ALK: variants seen among roughly 807,000 people sequenced by gnomAD.
ALK encodes the protein ALK receptor tyrosine kinase.
A neutral mutation model predicts 163.1 loss-of-function variants in ALK; 74 were observed. That is an observed-to-expected ratio of 0.45 (90% CI 0.38 to 0.55). ALK has a LOEUF of 0.55. ALK is among the 20% of genes least tolerant of loss of function. ALK has a pLI of 0.00. For synonymous variants in ALK, 960 were observed against 843.2 expected, an observed-to-expected ratio of 1.14 and a Z score of -2.40; for missense variants, 2,063 against 2,105.3, an observed-to-expected ratio of 0.98 and a Z score of 0.39.
chr2:29,739,420 T>A (rs1679988465), intron 1 of ALK, among the ~76,000 whole-genome samples: 1 of 151,440 alleles, frequency 6.6e-6, no homozygotes, highest in Non-Finnish European at 1.5e-5. Flanking sequence ...TAGCTGAGCG[T>A]GGTGGTATGT....
At chr2:29,694,710 A>G (rs997797558) in intron 3 of ALK, 140 bp downstream of exon 3, 22 of 1,149,212 alleles carry the variant, frequency 1.9e-5, no homozygotes, top group Non-Finnish European at 2.7e-5. Flanking sequence ...CCAAGAAGCC[A>G]TGGAAAGTCA....
At chr2:29,402,250 G>C (rs4514836) in intron 4 of ALK, among the ~76,000 whole-genome samples, 55 of 152,310 alleles carry the variant, frequency 3.6e-4, no homozygotes, top group Admixed American at 9.8e-4. Flanking sequence ...CTGGCTAAGG[G>C]CTGGGAGTTT....
At chr2:29,474,221 C>T (rs1464024228) in intron 4 of ALK, among the ~76,000 whole-genome samples, 1 of 152,184 alleles carries the variant, frequency 6.6e-6, no homozygotes, top group Non-Finnish European at 1.5e-5. Context: ...GAATATCTCA[C>T]AGACACAAAA....
chr2:29,781,016 T>C (rs1681317711), intron 1 of ALK, among the ~76,000 whole-genome samples: 1 of 152,234 alleles, frequency 6.6e-6, no homozygotes, highest in Admixed American at 6.5e-5. Context: ...TCCCCTTTCA[T>C]TCATTCTGAT....
intron 4 of ALK, among the ~76,000 whole-genome samples, chr2:29,386,788 T>C (rs1669041818): frequency 6.6e-6 from 1 of 152,226 alleles, no homozygotes; most frequent in Non-Finnish European, 1.5e-5. Flanking sequence ...GCCAAACATG[T>C]ATTTTATATC....
intron 2 of ALK, among the ~76,000 whole-genome samples, chr2:29,703,375 A>G (rs917963578): frequency 6.6e-6 from 1 of 152,150 alleles, no homozygotes; most frequent in East Asian, 1.9e-4. Context: ...AGTGACCTTA[A>G]TATTGTCATG....
chr2:29,529,359 T>G (rs1673054731), intron 4 of ALK, among the ~76,000 whole-genome samples: 1 of 152,204 alleles, frequency 6.6e-6, no homozygotes, highest in South Asian at 2.1e-4. Context: ...GCCAGCCCCA[T>G]TCGTAATCAT....
chr2:29,913,848 T>C (rs1403940443), intron 1 of ALK, among the ~76,000 whole-genome samples: 2 of 151,962 alleles, frequency 1.3e-5, no homozygotes, highest in Admixed American at 6.5e-5. Flanking sequence ...CTCCATATTC[T>C]CCACTTGGCA....
chr2:29,230,747 C>T (rs1397730675), intron 15 of ALK, among the ~76,000 whole-genome samples: 1 of 152,164 alleles, frequency 6.6e-6, no homozygotes, highest in African/African-American at 2.4e-5. Flanking sequence ...GCTGTCCTCC[C>T]TTCTGCTCTC....
chr2:29,749,463 A>G (rs1443057111), intron 1 of ALK, among the ~76,000 whole-genome samples: 2 of 152,168 alleles, frequency 1.3e-5, no homozygotes, highest in East Asian at 3.9e-4. Flanking sequence ...AGGCCCCTTA[A>G]TCCTGAATAG....
intron 1 of ALK, among the ~76,000 whole-genome samples, chr2:29,862,218 C>T (rs1558523312): frequency 6.6e-6 from 1 of 152,074 alleles, no homozygotes; most frequent in Non-Finnish European, 1.5e-5. Context: ...AGGAACAAGA[C>T]AAGATGCCTA....
chr2:29,720,027 C>G (rs1325204830), intron 1 of ALK, among the ~76,000 whole-genome samples: 1 of 152,018 alleles, frequency 6.6e-6, no homozygotes, highest in South Asian at 2.1e-4. Flanking sequence ...GTTATACTTT[C>G]CTGTTTCTAA....
At chr2:29,478,206 A>T (rs1395075803) in intron 4 of ALK, among the ~76,000 whole-genome samples, 2 of 152,248 alleles carry the variant, frequency 1.3e-5, no homozygotes. Context: ...ATGGAAACAT[A>T]CATATGAATA....
At chr2:29,671,858 C>T (rs1219798248) in intron 3 of ALK, among the ~76,000 whole-genome samples, 1 of 151,676 alleles carries the variant, frequency 6.6e-6, no homozygotes, top group Non-Finnish European at 1.5e-5. Flanking sequence ...CTGGAAGTCT[C>T]CTTTTCTTAA....
chr2:29,838,092 T>A (rs1665607260), intron 1 of ALK, among the ~76,000 whole-genome samples: 2 of 152,124 alleles, frequency 1.3e-5, no homozygotes, highest in Non-Finnish European at 2.9e-5. Flanking sequence ...GTTCACTGGA[T>A]GGGCTTAACA....
At chr2:29,805,791 G>C (rs184014732) in intron 1 of ALK, among the ~76,000 whole-genome samples, 88 of 152,228 alleles carry the variant, frequency 5.8e-4, no homozygotes, top group African/African-American at 2.1e-3. Flanking sequence ...GTGAATAATG[G>C]GGAGCACTTT....
chr2:29,528,985 C>T lies in ALK; in HGVS notation c.1154+2930G>A, dbSNP rs868850594. On this transcript the variant is annotated intron_variant, in intron 4 of 28. Transcript: ENST00000389048. ...GCCAAAGCCCGGCAGCCTTGGCCAACGTGGCCACTCATGCTCTGTGATTCA... is the reference window on the plus strand; with the variant it reads ...GCCAAAGCCCGGCAGCCTTGGCCAATGTGGCCACTCATGCTCTGTGATTCA... Among the ~76,000 whole-genome samples the T allele has an allele frequency of 1.2e-4, 18 of 152,328 alleles. 1 individual carries two copies. The South Asian group carries it at 1.7e-3, about 14-fold the overall frequency.
intron 4 of ALK, among the ~76,000 whole-genome samples, chr2:29,425,641 C>G (rs530875292): frequency 6.6e-6 from 1 of 152,164 alleles, no homozygotes; most frequent in Admixed American, 6.5e-5. Context: ...TAGGGTGTCA[C>G]TCTAAGAAAA....
At chr2:29,789,128 A>T (rs1263232436) in intron 1 of ALK, among the ~76,000 whole-genome samples, 7 of 151,454 alleles carry the variant, frequency 4.6e-5, no homozygotes, top group African/African-American at 1.7e-4. Context: ...AGGCAATATG[A>T]ACACCATAAT....
Sources: allele counts gnomAD v4.1 joint callset (sites outside exome capture counted in the v4.1 genomes callset), GRCh38; gene constraint gnomAD v4.1.1; transcripts MANE v1.5; gene names NCBI Gene and HGNC (gene_info 2026-07-23, HGNC 2026-07-21).